The following NUP205 variants were observed in gnomAD, a reference collection of about 807,000 sequenced individuals.
The protein encoded by NUP205 is nucleoporin 205, also known as nuclear pore complex protein Nup205.
In NUP205, 76 loss-of-function variants were observed where a neutral mutation model predicts 253.8. That is an observed-to-expected ratio of 0.30 (90% confidence interval 0.25 to 0.36). The LOEUF is 0.36. Among genes scored for constraint, NUP205 ranks in the 10% least tolerant of loss-of-function variants. The probability of loss-of-function intolerance (pLI) is 1.00; values close to 1 mark genes in which losing one functional copy is unlikely to be tolerated. For missense variants in NUP205, 2,162 were observed against 2,425.5 expected, an observed-to-expected ratio of 0.89 and a Z score of 2.28; for synonymous variants, 832 against 850.1, an observed-to-expected ratio of 0.98 and a Z score of 0.37.
At position 135,573,701 on chromosome 7, in the gene NUP205, G is replaced by A. The variant is rs749591205; in HGVS notation, c.219G>A (p.Glu73=). The A allele has an allele frequency of 1.9e-6, 3 of 1,613,980 alleles. No individual in the cohort carries two copies. The Admixed American group carries it at 5.0e-5, about 27-fold the overall frequency. Residue 73 remains glutamate (E), a synonymous_variant, in exon 3 of 43, where the codon GAG becomes GAA. Coordinates refer to ENST00000285968, the MANE Select transcript of NUP205 (RefSeq NM_015135.3). Reference sequence around the variant, plus strand: ...AGAAGGTTCAGAAAGCCAGTACAGAGGGAGTCGCCATTCAGGGTCAACAGG... The same window carrying A: ...AGAAGGTTCAGAAAGCCAGTACAGAAGGAGTCGCCATTCAGGGTCAACAGG... The part of the protein sequence containing the change: ...QHEKVQKAST[E]GVAIQGQQGT...
chr7:135,597,726 C>G (rs1426544011), intron 14 of NUP205: 3 of 450,106 alleles, frequency 6.7e-6, no homozygotes, highest in African/African-American at 2.0e-5. Flanking sequence ...TTTCTTTTCT[C>G]TCTAATTCTC....
At chr7:135,578,119 AG>A in intron 6 of NUP205, 95 bp downstream of exon 6, 7 of 835,042 alleles carry the variant, frequency 8.4e-6, no homozygotes, top group Non-Finnish European at 1.4e-5. Flanking sequence ...CTACTAAAAT[AG>A]TCTGCTCTGT....
intron 11 of NUP205, among the ~76,000 whole-genome samples, 183 bp from the exon 12 acceptor site, chr7:135,592,804 T>A (rs1806663210): frequency 6.6e-6 from 1 of 152,162 alleles, no homozygotes; most frequent in Non-Finnish European, 1.5e-5. Context: ...GGAGAATTGC[T>A]TGAACCTGGG....
At chr7:135,564,870 G>A (rs148446790) in intron 1 of NUP205, among the ~76,000 whole-genome samples, 5,168 of 151,672 alleles carry the variant, frequency 0.034, 128 homozygotes, top group Middle Eastern at 0.1. Flanking sequence ...AGGTTCAAGC[G>A]ATTCTCCCAC....
In NUP205 at chr7:135,607,316, G is replaced by C. The variant is rs779956859; in HGVS notation, c.3140G>C (p.Arg1047Thr). The change falls in exon 22 of 43, where the codon AGA becomes ACA. Residue 1047 changes from arginine to threonine, a missense_variant. Physicochemically the swap from Arg to Thr is moderately conservative, Grantham distance 71. Around this residue, in one of 5 missense-constraint regions of NUP205, gnomAD observed 1,144 missense variants for 1,280.9 expected, o/e 0.89. Transcript: ENST00000285968. Reference sequence around the variant, plus strand: ...ATCTTGGAGAAAGGAACGGAAGGGAGAACAGGCCCAGTGGCGGTGCGAGAA... The same window carrying C: ...ATCTTGGAGAAAGGAACGGAAGGGACAACAGGCCCAGTGGCGGTGCGAGAA... The part of the protein sequence containing the change: ...LNILEKGTEG[R>T]TGPVAVRESP... 1 of 1,614,156 alleles carries C rather than the reference G, an allele frequency of 6.2e-7. No homozygotes were observed. Among genetic ancestry groups the C allele is most frequent in the Non-Finnish European group, 8.5e-7 (1 of 1,179,994 alleles).
chr7:135,604,259 G>C, intron 18 of NUP205, 81 bp from the exon 19 acceptor site: 6 of 1,250,852 alleles, frequency 4.8e-6, no homozygotes, highest in Non-Finnish European at 6.6e-6. Context: ...GGGAAGCCCT[G>C]GTTCTAAATT....
intron 18 of NUP205, 30 bp from the exon 19 acceptor site, chr7:135,604,310 T>G (rs1162789231): frequency 2.5e-6 from 4 of 1,569,372 alleles, no homozygotes; most frequent in Non-Finnish European, 3.4e-6. Context: ...ATTTTATCAC[T>G]GTTCCTCAAA....
chr7:135,567,991 C>T (rs749370335), intron 1 of NUP205, among the ~76,000 whole-genome samples: 2 of 152,070 alleles, frequency 1.3e-5, no homozygotes, highest in South Asian at 4.1e-4. Flanking sequence ...TTTGGGAGGC[C>T]GAGGTGGGCA....
In NUP205 at chr7:135,597,353, T is replaced by C; in HGVS notation, c.2014-15T>C. The stretch of plus-strand genomic sequence containing the variant: ...ATGAGGAATGCTCCTGACATCTACT[T>C]CTTACTATTTTAAGATACTGCAGAC... On this transcript the variant is annotated splice_polypyrimidine_tract_variant and intron_variant, in intron 13 of 42. Coordinates refer to ENST00000285968, the MANE Select transcript of NUP205 (RefSeq NM_015135.3). 1 of 1,598,114 alleles carries C rather than the reference T, an allele frequency of 6.3e-7. No individual in the cohort carries two copies. Among genetic ancestry groups the C allele is most frequent in the South Asian group, 1.1e-5 (1 of 90,610 alleles).
chr7:135,576,177 T>A, intron 3 of NUP205, 93 bp from the exon 4 acceptor site: 1 of 1,095,718 alleles, frequency 9.1e-7, no homozygotes, highest in Non-Finnish European at 1.3e-6. Context: ...GCTACTGTGA[T>A]TCTTTGAACT....
intron 38 of NUP205, among the ~76,000 whole-genome samples, chr7:135,641,495 T>G (rs1794914137): frequency 6.6e-6 from 1 of 152,090 alleles, no homozygotes; most frequent in Non-Finnish European, 1.5e-5. Flanking sequence ...ATTGGCCAGG[T>G]GTGGTGGCTC....
intron 32 of NUP205, 52 bp downstream of exon 32, chr7:135,625,407 C>A: frequency 2.2e-6 from 3 of 1,338,226 alleles, no homozygotes; most frequent in Non-Finnish European, 3.1e-6. Context: ...TTTCTCTTGG[C>A]TATAGATGTA....
chr7:135,639,127 T>C (rs1794871840), intron 38 of NUP205, among the ~76,000 whole-genome samples: 2 of 152,316 alleles, frequency 1.3e-5, no homozygotes, highest in South Asian at 4.2e-4. Context: ...TATAATTCTT[T>C]AATGATTCAG....
At chr7:135,633,122 C>T (rs1164056550) in intron 35 of NUP205, among the ~76,000 whole-genome samples, 1 of 152,074 alleles carries the variant, frequency 6.6e-6, no homozygotes, top group African/African-American at 2.4e-5. Flanking sequence ...CATGCTGTCA[C>T]ACCAAGCTAA....
At position 135,601,498 on chromosome 7, in the gene NUP205, C is replaced by T. The variant is rs1278698735; in HGVS notation, c.2503C>T (p.Pro835Ser). 4 of 1,612,954 alleles carry T rather than the reference C, an allele frequency of 2.5e-6. No homozygotes were observed. The South Asian group carries it at 4.4e-5, about 18-fold the overall frequency. Reference protein sequence around the residue: ...EGVKQLDTYAPFPGKKHLEKA... With the variant: ...EGVKQLDTYASFPGKKHLEKA... ...AGTTAAGCAGCTTGACACCTATGCCCCCTTTCCTGGTATATGCTTAAAAGC... is the reference window on the plus strand; with the variant it reads ...AGTTAAGCAGCTTGACACCTATGCCTCCTTTCCTGGTATATGCTTAAAAGC... The change falls in exon 17 of 43, where the codon CCC becomes TCC. Residue 835 changes from proline to serine, a missense_variant. Pro to Ser is a moderately conservative substitution (Grantham distance 74). Around this residue, in one of 5 missense-constraint regions of NUP205, gnomAD observed 892 missense variants for 957.1 expected, o/e 0.93. Transcript: ENST00000285968.
chr7:135,576,504 T>C, intron 4 of NUP205, 90 bp downstream of exon 4: 4 of 1,136,270 alleles, frequency 3.5e-6, no homozygotes, highest in Non-Finnish European at 5.1e-6. Context: ...CTGAGCAATA[T>C]GTAACATAAG....
At chr7:135,579,285 C>A (rs563305564) in intron 7 of NUP205, among the ~76,000 whole-genome samples, 1 of 151,678 alleles carries the variant, frequency 6.6e-6, no homozygotes, top group Non-Finnish European at 1.5e-5. Flanking sequence ...ACCTCTGCCC[C>A]CCGGGTTCAA....
chr7:135,614,822 A>G (rs1794321309), intron 23 of NUP205, among the ~76,000 whole-genome samples: 1 of 152,198 alleles, frequency 6.6e-6, no homozygotes, highest in Admixed American at 6.5e-5. Context: ...CAGTTTTCTG[A>G]ATTCAGACTA....
intron 30 of NUP205, among the ~76,000 whole-genome samples, chr7:135,620,773 A>G (rs1794457025): frequency 6.6e-6 from 1 of 152,212 alleles, no homozygotes; most frequent in South Asian, 2.1e-4. Flanking sequence ...AAACTCATCA[A>G]TAGTATACAT....
Sources: allele counts gnomAD v4.1 joint callset (sites outside exome capture counted in the v4.1 genomes callset), GRCh38; gene constraint gnomAD v4.1.1; regional missense constraint gnomAD v4.1.1; transcripts MANE v1.5; gene names NCBI Gene and HGNC (gene_info 2026-07-23, HGNC 2026-07-21).